Variants in AGBL4 observed in about 807,000 individuals in gnomAD.
The protein encoded by AGBL4 is cytosolic carboxypeptidase 6.
AGBL4 carries 58 observed loss-of-function variants against 66.4 expected under a neutral mutation model. The observed-to-expected ratio is 0.87, with a 90% CI of 0.71 to 1.09. AGBL4 has a LOEUF of 1.09. Among genes scored for constraint, AGBL4 ranks in the 50% least tolerant of loss-of-function variants. The probability of loss-of-function intolerance (pLI) is 0.00; values close to 1 mark genes in which losing one functional copy is unlikely to be tolerated. For synonymous variants in AGBL4, 234 were observed against 222.9 expected (o/e 1.05, Z -0.44); for missense variants, 579 against 631.0 (o/e 0.92, Z 0.88).
chr1:50,017,932 CATAA>C (rs1287694814), intron 1 of AGBL4, among the ~76,000 whole-genome samples: 1 of 152,016 alleles, frequency 6.6e-6, no homozygotes, highest in African/African-American at 2.4e-5. Context: ...TACATAAATA[CATAA>C]ATAAAGTAAC....
intron 5 of AGBL4, among the ~76,000 whole-genome samples, chr1:48,913,149 G>A (rs2148883487): frequency 6.6e-6 from 1 of 152,290 alleles, no homozygotes; most frequent in East Asian, 1.9e-4. Flanking sequence ...CAAGACCTTG[G>A]AAGCCACGTT....
intron 6 of AGBL4, among the ~76,000 whole-genome samples, chr1:48,689,572 C>G (rs1646596022): frequency 2.0e-5 from 3 of 151,792 alleles, no homozygotes; most frequent in Admixed American, 2.0e-4. Flanking sequence ...CTGGGGTAAT[C>G]TTCAATGAAG....
At chr1:49,266,582 C>T (rs12119071) in intron 3 of AGBL4, among the ~76,000 whole-genome samples, 27,793 of 150,128 alleles carry the variant, frequency 0.19, 3,184 homozygotes, top group East Asian at 0.41. Flanking sequence ...GGGCCCTTTG[C>T]CCTTAAGTGA....
intron 3 of AGBL4, among the ~76,000 whole-genome samples, chr1:49,446,991 C>A (rs900142029): frequency 6.6e-6 from 1 of 152,100 alleles, no homozygotes; most frequent in African/African-American, 2.4e-5. Context: ...AGAGGCCATG[C>A]CACCAGTTGG....
chr1:48,704,127 A>C (rs1646845264), intron 6 of AGBL4, among the ~76,000 whole-genome samples: 1 of 152,266 alleles, frequency 6.6e-6, no homozygotes, highest in Non-Finnish European at 1.5e-5. Flanking sequence ...GTATCTAAGC[A>C]TATCTACACT....
At chr1:48,693,816 T>G (rs1477855558) in intron 6 of AGBL4, among the ~76,000 whole-genome samples, 1 of 152,098 alleles carries the variant, frequency 6.6e-6, no homozygotes, top group Non-Finnish European at 1.5e-5. Context: ...GACTGCAGGC[T>G]CTGCCCTGAT....
At chr1:48,531,758 ATG>A (rs1643907798), downstream of AGBL4, among the ~76,000 whole-genome samples, 1 of 3,680 alleles carries the variant, frequency 2.7e-4, no homozygotes, top group Admixed American at 7.0e-4. Flanking sequence ...CCCTCTTATT[ATG>A]TATGTATGTA....
chr1:49,438,341 T>C (rs187741018), intron 3 of AGBL4, among the ~76,000 whole-genome samples: 23 of 152,316 alleles, frequency 1.5e-4, no homozygotes, highest in Admixed American at 7.2e-4. Flanking sequence ...ATTACTATGG[T>C]TTCTTTGGTG....
intron 3 of AGBL4, among the ~76,000 whole-genome samples, chr1:49,352,142 CTTCA>C (rs903381100): frequency 2.6e-5 from 4 of 152,120 alleles, no homozygotes; most frequent in African/African-American, 9.7e-5. Context: ...TCCAGGAGGT[CTTCA>C]TTCAACATAC....
chr1:48,885,658 T>C (rs1650248866), intron 5 of AGBL4, among the ~76,000 whole-genome samples: 1 of 152,210 alleles, frequency 6.6e-6, no homozygotes, highest in Non-Finnish European at 1.5e-5. Flanking sequence ...TGACCTATCA[T>C]GGCATTTTTA....
chr1:48,618,378 T>A (rs140716444), intron 9 of AGBL4, among the ~76,000 whole-genome samples: 7 of 152,186 alleles, frequency 4.6e-5, no homozygotes, highest in Admixed American at 3.9e-4. Context: ...CTGGAGTGCA[T>A]GTGCTCCAAG....
At chr1:49,651,573 C>G (rs1646005673) in intron 3 of AGBL4, among the ~76,000 whole-genome samples, 1 of 152,076 alleles carries the variant, frequency 6.6e-6, no homozygotes, top group Non-Finnish European at 1.5e-5. Context: ...TTTGAGAAAG[C>G]CACCACACAA....
chr1:49,157,543 C>G (rs541641006), intron 4 of AGBL4, among the ~76,000 whole-genome samples: 7 of 152,064 alleles, frequency 4.6e-5, no homozygotes, highest in Non-Finnish European at 1.0e-4. Flanking sequence ...AATAAACATA[C>G]GAGTGCATGT....
intron 4 of AGBL4, among the ~76,000 whole-genome samples, chr1:49,093,069 C>G (rs1462766853): frequency 6.6e-6 from 1 of 152,070 alleles, no homozygotes; most frequent in Non-Finnish European, 1.5e-5. Flanking sequence ...CCAAATTGCC[C>G]TGAGGTCCTT....
intron 4 of AGBL4, among the ~76,000 whole-genome samples, chr1:49,096,876 A>C (rs2147992742): frequency 6.6e-6 from 1 of 152,184 alleles, no homozygotes; most frequent in Non-Finnish European, 1.5e-5. Flanking sequence ...GCAAAGACAG[A>C]AGTGGAGAGA....
At position 49,317,345 on chromosome 1, in the gene AGBL4, G is replaced by A. The variant is rs572960994; in HGVS notation, c.283-71481C>T. Among the ~76,000 whole-genome samples, 5 of 151,920 alleles carry A rather than the reference G, an allele frequency of 3.3e-5. No individual in the cohort carries two copies. In the East Asian group the frequency reaches 5.8e-4, roughly 18 times the overall value. ...CTAAGCCTCAGTTTGTACATCTGTC[G>A]AATGCGAATATTTTGTGGAATAAGT... is the stretch of plus-strand genomic sequence containing the variant. On this transcript the variant is annotated intron_variant, in intron 3 of 13. Transcript: ENST00000371839.
chr1:48,737,635 A>G (rs961607889), intron 6 of AGBL4, among the ~76,000 whole-genome samples: 1 of 152,194 alleles, frequency 6.6e-6, no homozygotes, highest in Non-Finnish European at 1.5e-5. Context: ...TATGCTCCCT[A>G]TGAGTTTCAG....
At chr1:48,806,779 G>A (rs1246082921) in intron 6 of AGBL4, among the ~76,000 whole-genome samples, 2 of 152,202 alleles carry the variant, frequency 1.3e-5, no homozygotes, top group Non-Finnish European at 2.9e-5. Flanking sequence ...CAAAGTAGCT[G>A]ATTCTGAGGA....
At chr1:49,480,898 T>C (rs1471921331) in intron 3 of AGBL4, among the ~76,000 whole-genome samples, 1 of 152,102 alleles carries the variant, frequency 6.6e-6, no homozygotes, top group Admixed American at 6.5e-5. Context: ...AGCGAGTCCT[T>C]TCCCCCATTG....
Sources: allele counts gnomAD v4.1 joint callset (sites outside exome capture counted in the v4.1 genomes callset), GRCh38; gene constraint gnomAD v4.1.1; transcripts MANE v1.5; gene names NCBI Gene and HGNC (gene_info 2026-07-23, HGNC 2026-07-21).